The following PPP2R3B variants were observed in gnomAD, a reference collection of about 807,000 sequenced individuals.
PPP2R3B encodes the protein serine/threonine-protein phosphatase 2A regulatory subunit B'' subunit beta.
Under a neutral mutation model 72.9 loss-of-function variants are expected in PPP2R3B, and 68 were observed. The ratio of observed to expected loss-of-function variants is 0.93; its 90% CI spans 0.77 to 1.14. The LOEUF is 1.14. Ranked by LOEUF, PPP2R3B falls within the 50% of genes most tolerant of loss-of-function variation. The pLI is 0.00. For missense variants in PPP2R3B, 1,018 were observed against 842.0 expected, an observed-to-expected ratio of 1.21 and a Z score of -2.59; for synonymous variants, 466 against 375.8, an observed-to-expected ratio of 1.24 and a Z score of -2.78.
chrX:356,095 G>A (rs1374905657), intron 2 of PPP2R3B, among the ~76,000 whole-genome samples: 4 of 152,186 alleles, frequency 2.6e-5, no homozygotes, highest in Non-Finnish European at 4.4e-5. Context: ...CAGCCAGGAC[G>A]GGACGCCTGC....
chrX:345,767 C>T, intron 6 of PPP2R3B, 95 bp from the exon 7 acceptor site: 1 of 344,670 alleles, frequency 2.9e-6, no homozygotes, highest in Non-Finnish European at 5.5e-6. Context: ...CTGGGAGGGT[C>T]GGGGCCGCTC....
intron 1 of PPP2R3B, among the ~76,000 whole-genome samples, chrX:383,142 T>C (rs2072161490): frequency 6.6e-6 from 1 of 152,182 alleles, no homozygotes; most frequent in African/African-American, 2.4e-5. Context: ...CTAGCTCTAG[T>C]TCACATTTTC....
chrX:360,682 G>T (rs1368694621), intron 2 of PPP2R3B, among the ~76,000 whole-genome samples: 2 of 152,212 alleles, frequency 1.3e-5, no homozygotes, highest in African/African-American at 2.4e-5. Flanking sequence ...GACTTGGAGG[G>T]GTGGGAGCAT....
At chrX:338,984 G>A (rs1411796067) in intron 10 of PPP2R3B, 88 bp from the exon 11 acceptor site, 4 of 1,062,128 alleles carry the variant, frequency 3.8e-6, no homozygotes, top group Non-Finnish European at 2.9e-6. Context: ...TGTCACACGT[G>A]CTTAAGGACG....
At chrX:379,401 T>C (rs1294148880) in intron 1 of PPP2R3B, among the ~76,000 whole-genome samples, 1 of 152,016 alleles carries the variant, frequency 6.6e-6, no homozygotes, top group Non-Finnish European at 1.5e-5. Flanking sequence ...TATGTGTGTA[T>C]GCACCTATGT....
At chrX:343,012 G>C (rs1176749758) in intron 7 of PPP2R3B, among the ~76,000 whole-genome samples, 2 of 14,476 alleles carry the variant, frequency 1.4e-4, no homozygotes, top group African/African-American at 4.3e-4. Context: ...TGAGACCTCA[G>C]CAACGGGAGG....
At chrX:355,293 T>C (rs756254069) in intron 2 of PPP2R3B, among the ~76,000 whole-genome samples, 3 of 152,280 alleles carry the variant, frequency 2.0e-5, no homozygotes, top group East Asian at 1.9e-4. Context: ...TGGGTATCAA[T>C]GTGATGAACC....
At chrX:375,991 A>C (rs1023810594) in intron 1 of PPP2R3B, among the ~76,000 whole-genome samples, 1 of 152,174 alleles carries the variant, frequency 6.6e-6, no homozygotes, top group African/African-American at 2.4e-5. Context: ...CAGGAGTTCG[A>C]GACCAGCCAG....
At chrX:366,959 C>T (rs1196488162) in intron 1 of PPP2R3B, among the ~76,000 whole-genome samples, 8 of 151,818 alleles carry the variant, frequency 5.3e-5, no homozygotes, top group South Asian at 2.1e-4. Flanking sequence ...ACCCGGGAGG[C>T]GGAGGGTGCG....
chrX:363,279 A>T (rs1441847781), intron 1 of PPP2R3B, among the ~76,000 whole-genome samples: 84 of 19,672 alleles, frequency 4.3e-3, no homozygotes, highest in South Asian at 6.0e-3. Context: ...CATCTCCCCG[A>T]GCCCACGATC....
At position 334,379 on chromosome X, in the gene PPP2R3B, C is replaced by T; in HGVS notation, c.1716G>A (p.Leu572=). 1.3e-6 allele frequency: 2 copies of T among 1,517,614 alleles called. No homozygotes were observed. The highest frequency in any genetic ancestry group is 8.8e-7 in the Non-Finnish European group (1 of 1,139,216). The allele number at this position is 1,517,614 out of a possible 1,614,324, so 94.0% of individuals were successfully genotyped here. ...LYEYACGDED[L]EPL ...CTCGCGGGCGGCGTCACAGCGGCTC[C>T]AGGTCCTCGTCCCCGCATGCGTACT... Residue 572 remains leucine (L), a synonymous_variant, in exon 13 of 13, where the codon CTG becomes CTA. Coordinates refer to ENST00000390665, the MANE Select transcript of PPP2R3B (RefSeq NM_013239.5).
chrX:338,532 ACTCACCCGTC>A, intron 12 of PPP2R3B, 62 bp downstream of exon 12: 1 of 361,434 alleles, frequency 2.8e-6, no homozygotes. Flanking sequence ...CCGTCCTCCC[ACTCACCCGTC>A]CTCCCCACTC....
rs200630991 is a variant in PPP2R3B at position 334,459 on chromosome X, C to A, written c.1636G>T (p.Ala546Ser). 6.3e-7 allele frequency: 1 copy of A among 1,595,318 alleles called. No individual in the cohort carries two copies. Among genetic ancestry groups the A allele is most frequent in the African/African-American group, 1.3e-5 (1 of 74,076 alleles). ...QKLSALRSPL[A>S]QRPFFEAPSP... The stretch of plus-strand genomic sequence containing the variant: ...GGCGCCTCGAAGAAGGGCCTCTGGG[C>A]CAGCGGGGAGCGCAGCGCACTCAGC... Residue 546 changes from alanine to serine, a missense_variant, in exon 13 of 13, where the codon GCC (alanine) becomes TCC (serine). Transcript: ENST00000390665.
Position 347,677 on chromosome X carries a change from A to AG in PPP2R3B, c.526dup (p.Leu176ProfsTer169). 1.3e-6 allele frequency: 2 copies of AG among 1,545,066 alleles called. No individual in the cohort carries two copies. The highest frequency in any genetic ancestry group is 1.7e-6 in the Non-Finnish European group (2 of 1,147,454). On this transcript the variant is annotated frameshift_variant, in exon 3 of 13. Transcript: ENST00000390665. LOFTEE classifies it high-confidence loss of function. ...ATAGAAGAGCGGCCCCTTCCAGTAG[A>AG]GGGGGCAGCCGCAGGCCTGGGGCAG...
intron 1 of PPP2R3B, among the ~76,000 whole-genome samples, chrX:385,249 A>C (rs1471411872): frequency 6.7e-6 from 1 of 148,312 alleles, no homozygotes; most frequent in African/African-American, 2.5e-5. Context: ...GAATATATAC[A>C]CTTGGCCAAC....
chrX:363,843 C>A (rs927252523), intron 1 of PPP2R3B, among the ~76,000 whole-genome samples: 2 of 152,260 alleles, frequency 1.3e-5, no homozygotes, highest in African/African-American at 2.4e-5. Context: ...ACGGAACTGA[C>A]CCCGCGAATA....
At chrX:341,026 T>A in intron 9 of PPP2R3B, 86 bp from the exon 10 acceptor site, 1 of 1,523,340 alleles carries the variant, frequency 6.6e-7, no homozygotes, top group Non-Finnish European at 8.8e-7. Context: ...CCACCGGGGG[T>A]GCACGCGTCC....
chrX:342,112 C>G (rs181372501), intron 7 of PPP2R3B, 181 bp from the exon 8 acceptor site: 10,505 of 691,176 alleles, frequency 0.015, 110 homozygotes, highest in Non-Finnish European at 0.021. Flanking sequence ...CACGCTTTCC[C>G]GTCGAGCAGA....
chrX:383,701 G>A (rs1392584975), intron 1 of PPP2R3B, among the ~76,000 whole-genome samples: 1 of 151,470 alleles, frequency 6.6e-6, no homozygotes, highest in Non-Finnish European at 1.5e-5. Flanking sequence ...AGCCGGGCGT[G>A]GTGGCGGGCG....
Sources: gnomAD v4.1 joint callset for allele counts (sites outside exome capture counted in the v4.1 genomes callset) on GRCh38, gnomAD v4.1.1 for gene constraint, MANE v1.5 for transcripts, NCBI Gene and HGNC (gene_info 2026-07-23, HGNC 2026-07-21) for gene names.